ITGA8: variants seen among roughly 807,000 people sequenced by gnomAD.
The protein encoded by ITGA8 is integrin alpha-8.
ITGA8 carries 91 observed loss-of-function variants against 142.3 expected under a neutral mutation model. That is an observed-to-expected ratio of 0.64 (90% CI 0.54 to 0.76). The LOEUF (loss-of-function observed/expected upper bound fraction) is 0.76, where lower values mean the gene tolerates loss of function less well. Among genes scored for constraint, ITGA8 ranks in the 30% least tolerant of loss-of-function variants. The pLI is 0.00. For synonymous variants in ITGA8, 505 were observed against 485.2 expected, an observed-to-expected ratio of 1.04 and a Z score of -0.54; for missense variants, 1,406 against 1,327.7, an observed-to-expected ratio of 1.06 and a Z score of -0.92.
At chr10:15,683,929 AGCC>A in intron 4 of ITGA8, 72 bp downstream of exon 4, 2 of 1,551,074 alleles carry the variant, frequency 1.3e-6, no homozygotes, top group Admixed American at 1.8e-5. Flanking sequence ...TGGTGTTTTG[AGCC>A]TACCTGCACT....
At chr10:15,602,042 C>T (rs940537750) in intron 20 of ITGA8, among the ~76,000 whole-genome samples, 1 of 152,212 alleles carries the variant, frequency 6.6e-6, no homozygotes, top group South Asian at 2.1e-4. Context: ...AGATAGACTC[C>T]TAAGTGCTCT....
At position 15,717,322 on chromosome 10, in the gene ITGA8, C is replaced by T. The variant is rs549825268; in HGVS notation, c.343+1444G>A. ...GTTAATGATTCATGTCTTTATTTGGCCTGCTTTAAAATACTTTTAAAAATA... is the reference window on the plus strand; with the variant it reads ...GTTAATGATTCATGTCTTTATTTGGTCTGCTTTAAAATACTTTTAAAAATA... On this transcript the variant is annotated intron_variant, in intron 2 of 29. Coordinates refer to ENST00000378076, the MANE Select transcript of ITGA8 (RefSeq NM_003638.3). Among the ~76,000 whole-genome samples, 28 of 152,170 alleles carry T rather than the reference C, an allele frequency of 1.8e-4. 1 individual carries two copies. The highest frequency in any genetic ancestry group is 1.1e-3 in the Admixed American group (17 of 15,272).
chr10:15,519,487 A>G (rs1833017991), intron 28 of ITGA8, 75 bp from the exon 29 acceptor site: 1 of 1,493,542 alleles, frequency 6.7e-7, no homozygotes, highest in Non-Finnish European at 9.3e-7. Context: ...TTACCAGTAC[A>G]ACATCGGAAG....
chr10:15,664,119 A>T (rs934377287), intron 8 of ITGA8, among the ~76,000 whole-genome samples: 1 of 152,228 alleles, frequency 6.6e-6, no homozygotes, highest in African/African-American at 2.4e-5. Context: ...CTTAGGAGGT[A>T]GACAATACTA....
At chr10:15,706,816 T>G (rs564321078) in intron 2 of ITGA8, among the ~76,000 whole-genome samples, 1 of 152,268 alleles carries the variant, frequency 6.6e-6, no homozygotes, top group East Asian at 1.9e-4. Flanking sequence ...TACCCACCAC[T>G]CTTAGAATAA....
At chr10:15,698,646 A>G (rs1380038755) in intron 2 of ITGA8, among the ~76,000 whole-genome samples, 1 of 152,042 alleles carries the variant, frequency 6.6e-6, no homozygotes, top group Non-Finnish European at 1.5e-5. Context: ...TTTGATTTGC[A>G]TTTCCCTGAT....
At chr10:15,696,209 G>A (rs1442452793) in intron 2 of ITGA8, among the ~76,000 whole-genome samples, 1 of 152,170 alleles carries the variant, frequency 6.6e-6, no homozygotes, top group African/African-American at 2.4e-5. Context: ...GATGGAGCCC[G>A]TTAGTTACCT....
Position 15,651,607 on chromosome 10 carries a change from T to C in ITGA8, c.1001+3747A>G, listed in dbSNP as rs1588699321. 2.0e-5 allele frequency among the ~76,000 whole-genome samples: 3 copies of C among 152,118 alleles called. No individual in the cohort carries two copies. In the South Asian group the frequency reaches 6.2e-4, roughly 32 times the overall value. Reference sequence around the variant, plus strand: ...TTTTTGTTGCCTACTTTTCAAAGAATACATGTTTTCCAACAATGTCTACTA... The same window carrying C: ...TTTTTGTTGCCTACTTTTCAAAGAACACATGTTTTCCAACAATGTCTACTA... On this transcript the variant is annotated intron_variant, in intron 11 of 29. Transcript: ENST00000378076.
chr10:15,522,825 A>G (rs558462593), intron 28 of ITGA8, among the ~76,000 whole-genome samples: 4 of 152,300 alleles, frequency 2.6e-5, no homozygotes, highest in South Asian at 2.1e-4. Flanking sequence ...CAGCCTGGCC[A>G]ACATGGTGAA....
At chr10:15,539,488 A>T (rs1433210110) in intron 27 of ITGA8, among the ~76,000 whole-genome samples, 1 of 152,184 alleles carries the variant, frequency 6.6e-6, no homozygotes, top group Non-Finnish European at 1.5e-5. Context: ...AAGCTGAGCC[A>T]GTATGACCCA....
At chr10:15,612,729 C>CA (rs572783679) in intron 15 of ITGA8, among the ~76,000 whole-genome samples, 133 of 152,252 alleles carry the variant, frequency 8.7e-4, no homozygotes, top group African/African-American at 3.1e-3. Context: ...TAATGACAGA[C>CA]AAAAAAATAC....
intron 27 of ITGA8, among the ~76,000 whole-genome samples, chr10:15,547,644 C>A (rs538431903): frequency 2.6e-4 from 39 of 152,292 alleles, no homozygotes; most frequent in Middle Eastern, 3.4e-3. Flanking sequence ...GATGCAGAGC[C>A]AACCACAGGA....
At chr10:15,606,522 T>A in intron 17 of ITGA8, 100 bp from the exon 18 acceptor site, 3 of 1,149,268 alleles carry the variant, frequency 2.6e-6, no homozygotes, top group South Asian at 3.0e-5. Context: ...TCAATGAAAG[T>A]GAATGATGAA....
intron 12 of ITGA8, 70 bp downstream of exon 12, chr10:15,646,776 A>T: frequency 8.5e-7 from 1 of 1,179,210 alleles, no homozygotes; most frequent in Non-Finnish European, 1.2e-6. Flanking sequence ...GAATACTTTA[A>T]AACAGGCATG....
At chr10:15,544,715 T>C (rs1833637065) in intron 27 of ITGA8, among the ~76,000 whole-genome samples, 1 of 152,132 alleles carries the variant, frequency 6.6e-6, no homozygotes. Flanking sequence ...TTCACACCCT[T>C]GTGTGGGTGC....
intron 27 of ITGA8, among the ~76,000 whole-genome samples, chr10:15,546,600 G>T (rs1833674194): frequency 6.6e-6 from 1 of 151,968 alleles, no homozygotes; most frequent in South Asian, 2.1e-4. Flanking sequence ...ATAATGCCCA[G>T]GGTGGCTCCC....
intron 23 of ITGA8, among the ~76,000 whole-genome samples, chr10:15,580,146 A>G (rs1163383534): frequency 2.1e-5 from 3 of 143,186 alleles, no homozygotes; most frequent in South Asian, 2.2e-4. Flanking sequence ...AAAAAAAAAA[A>G]AGAGAAAAGG....
At chr10:15,684,703 C>G (rs9333090) in intron 3 of ITGA8, among the ~76,000 whole-genome samples, 1 of 151,040 alleles carries the variant, frequency 6.6e-6, no homozygotes, top group African/African-American at 2.4e-5. Context: ...TTTTTTTGCC[C>G]GAAGAAGCAA....
At chr10:15,675,884 A>G (rs1180161413) in intron 6 of ITGA8, among the ~76,000 whole-genome samples, 1 of 152,196 alleles carries the variant, frequency 6.6e-6, no homozygotes, top group Non-Finnish European at 1.5e-5. Context: ...GTCTCAGACA[A>G]ATGCTTGTAT....
Sources: gnomAD v4.1 joint callset for allele counts (sites outside exome capture counted in the v4.1 genomes callset) on GRCh38, gnomAD v4.1.1 for gene constraint, MANE v1.5 for transcripts, NCBI Gene and HGNC (gene_info 2026-07-23, HGNC 2026-07-21) for gene names.